MTHFD1L: variants seen among roughly 807,000 people sequenced by gnomAD.
The protein encoded by MTHFD1L is monofunctional C1-tetrahydrofolate synthase, mitochondrial.
In MTHFD1L, 81 loss-of-function variants were observed where a neutral mutation model predicts 119.5. The ratio of observed to expected loss-of-function variants is 0.68; its 90% confidence interval spans 0.57 to 0.82. The LOEUF (loss-of-function observed/expected upper bound fraction) is 0.82, where lower values mean the gene tolerates loss of function less well. MTHFD1L is among the 40% of genes least tolerant of loss of function. The pLI is 0.00. For synonymous variants in MTHFD1L, 430 were observed against 475.2 expected (o/e 0.90, Z 1.24); for missense variants, 1,125 against 1,253.4 (o/e 0.90, Z 1.55).
chr6:150,943,483 A>G (rs922908554), intron 13 of MTHFD1L, among the ~76,000 whole-genome samples: 2 of 152,122 alleles, frequency 1.3e-5, no homozygotes, highest in African/African-American at 4.8e-5. Flanking sequence ...AAAAAAGAAA[A>G]AAAAGAAAAG....
chr6:150,874,874 C>T (rs1283903467), intron 1 of MTHFD1L, among the ~76,000 whole-genome samples: 1 of 151,326 alleles, frequency 6.6e-6, no homozygotes, highest in Non-Finnish European at 1.5e-5. Flanking sequence ...GAGATTCTCC[C>T]GAGTAGCTCA....
At position 150,885,887 on chromosome 6, in the gene MTHFD1L, A is replaced by G. The variant is rs143705364; in HGVS notation, c.643+153A>G. 5.3e-3 allele frequency among the ~76,000 whole-genome samples: 806 copies of G among 152,372 alleles called. 6 individuals carry two copies. Among genetic ancestry groups the G allele is most frequent in the Non-Finnish European group, 8.0e-3 (547 of 68,036 alleles). Reference sequence around the variant, plus strand: ...TTTCTAGAAGATTCTAATTGAACATAGAAGTGATATTTCACGTTGACTTTT... The same window carrying G: ...TTTCTAGAAGATTCTAATTGAACATGGAAGTGATATTTCACGTTGACTTTT... On this transcript the variant is annotated intron_variant, in intron 6 of 27. Transcript: ENST00000367321.
chr6:150,934,573 A>C (rs1284963351), intron 11 of MTHFD1L, among the ~76,000 whole-genome samples: 1 of 152,218 alleles, frequency 6.6e-6, no homozygotes, highest in Non-Finnish European at 1.5e-5. Flanking sequence ...AGTACTTGAC[A>C]AATATTTGCT....
intron 24 of MTHFD1L, among the ~76,000 whole-genome samples, chr6:151,028,906 A>G (rs1393240393): frequency 6.7e-6 from 1 of 148,650 alleles, no homozygotes; most frequent in Non-Finnish European, 1.5e-5. Context: ...CAAGACCCCC[A>G]TCTCTACAAC....
intron 15 of MTHFD1L, among the ~76,000 whole-genome samples, chr6:150,945,818 A>G (rs1345136457): frequency 6.6e-6 from 1 of 152,150 alleles, no homozygotes; most frequent in Non-Finnish European, 1.5e-5. Context: ...TTGCTAATTT[A>G]TGAGTACTCT....
At chr6:151,008,397 C>G (rs1781694943) in intron 20 of MTHFD1L, among the ~76,000 whole-genome samples, 1 of 152,162 alleles carries the variant, frequency 6.6e-6, no homozygotes, top group African/African-American at 2.4e-5. Flanking sequence ...GTAGTATTCC[C>G]TTCCTAGAGT....
chr6:150,971,825 T>C, intron 19 of MTHFD1L, 122 bp from the exon 20 acceptor site: 1 of 742,972 alleles, frequency 1.3e-6, no homozygotes, highest in Non-Finnish European at 2.3e-6. Context: ...CTTTGAAATA[T>C]TTTATGCATT....
chr6:151,081,389 A>G (rs1036234487), intron 26 of MTHFD1L, among the ~76,000 whole-genome samples: 2 of 151,866 alleles, frequency 1.3e-5, no homozygotes, highest in Non-Finnish European at 2.9e-5. Context: ...GCAGTGGCTC[A>G]CACCTGTAAT....
intron 11 of MTHFD1L, 138 bp from the exon 12 acceptor site, chr6:150,936,666 C>A: frequency 9.6e-7 from 1 of 1,045,380 alleles, no homozygotes; most frequent in Non-Finnish European, 1.4e-6. Context: ...GTGAGTAGAC[C>A]ATAATAGCCC....
intron 7 of MTHFD1L, chr6:150,898,942 AT>A: frequency 9.4e-7 from 1 of 1,065,810 alleles, no homozygotes; most frequent in Non-Finnish European, 1.1e-6. Flanking sequence ...GGTTGAAGTG[AT>A]TCTCCTGTGA....
chr6:151,059,601 C>T (rs1467267328), intron 26 of MTHFD1L, among the ~76,000 whole-genome samples: 2 of 152,190 alleles, frequency 1.3e-5, no homozygotes, highest in Non-Finnish European at 2.9e-5. Flanking sequence ...AGTATTGAGG[C>T]TCTGCTCTTA....
chr6:151,053,392 C>T (rs1789387619), intron 26 of MTHFD1L, among the ~76,000 whole-genome samples: 1 of 152,076 alleles, frequency 6.6e-6, no homozygotes, highest in Admixed American at 6.6e-5. Flanking sequence ...AGTGTAATTC[C>T]CAACTACAAT....
chr6:150,910,231 G>A (rs1786634087), intron 8 of MTHFD1L, among the ~76,000 whole-genome samples: 1 of 151,672 alleles, frequency 6.6e-6, no homozygotes, highest in Admixed American at 6.6e-5. Context: ...TTTGGAGTCA[G>A]GATTAACCTA....
chr6:151,029,692 A>G (rs888137810), intron 24 of MTHFD1L, among the ~76,000 whole-genome samples: 3 of 152,144 alleles, frequency 2.0e-5, no homozygotes, highest in Admixed American at 2.0e-4. Flanking sequence ...GCTACTTGGG[A>G]GGCTGAGGCA....
chr6:151,054,725 CA>C (rs1384919442), intron 26 of MTHFD1L, among the ~76,000 whole-genome samples: 1 of 151,850 alleles, frequency 6.6e-6, no homozygotes, highest in Non-Finnish European at 1.5e-5. Context: ...ATGGGTAATC[CA>C]AAAAAGACCC....
At chr6:150,999,878 G>A (rs1474243954) in intron 20 of MTHFD1L, among the ~76,000 whole-genome samples, 2 of 152,144 alleles carry the variant, frequency 1.3e-5, no homozygotes, top group Non-Finnish European at 2.9e-5. Flanking sequence ...ATATGTTCAC[G>A]TGTACCTGTC....
intron 7 of MTHFD1L, among the ~76,000 whole-genome samples, chr6:150,903,330 T>C (rs780657236): frequency 4.6e-5 from 7 of 150,924 alleles, no homozygotes; most frequent in Non-Finnish European, 7.4e-5. Flanking sequence ...GTGATTCTCA[T>C]TTGGCTGCAA....
At chr6:150,881,341 G>C (rs2128754106) in intron 4 of MTHFD1L, among the ~76,000 whole-genome samples, 1 of 152,166 alleles carries the variant, frequency 6.6e-6, no homozygotes, top group East Asian at 1.9e-4. Flanking sequence ...TATTGAAGAG[G>C]CTCTCTTTCC....
intron 1 of MTHFD1L, among the ~76,000 whole-genome samples, chr6:150,871,668 A>AT (rs1174855351): frequency 2.0e-5 from 3 of 150,076 alleles, no homozygotes; most frequent in African/African-American, 4.9e-5. Context: ...CGCCTGGCTA[A>AT]TTTTTTTGTA....
Sources: allele counts gnomAD v4.1 joint callset (sites outside exome capture counted in the v4.1 genomes callset), GRCh38; gene constraint gnomAD v4.1.1; transcripts MANE v1.5; gene names NCBI Gene and HGNC (gene_info 2026-07-23, HGNC 2026-07-21).